PUM1: variants seen among roughly 807,000 people sequenced by gnomAD.
PUM1 encodes the protein pumilio homolog 1.
In PUM1, 13 loss-of-function variants were observed where a neutral mutation model predicts 131.8. That is an observed-to-expected ratio of 0.10 (90% CI 0.06 to 0.16). The LOEUF (loss-of-function observed/expected upper bound fraction) is 0.16, where lower values mean the gene tolerates loss of function less well. Among genes scored for constraint, PUM1 ranks in the 10% least tolerant of loss-of-function variants. The pLI is 1.00. For missense variants in PUM1, 961 were observed against 1,512.4 expected, an observed-to-expected ratio of 0.64 and a Z score of 6.05; for synonymous variants, 509 against 556.5, an observed-to-expected ratio of 0.91 and a Z score of 1.20.
At chr1:30,960,901 G>C (rs897321697) in intron 14 of PUM1, among the ~76,000 whole-genome samples, 1 of 151,366 alleles carries the variant, frequency 6.6e-6, no homozygotes, top group Admixed American at 6.6e-5. Flanking sequence ...AGATTTCTTC[G>C]ATACTATTCC....
At chr1:30,978,675 T>A (rs1034357045) in intron 9 of PUM1, among the ~76,000 whole-genome samples, 1 of 152,220 alleles carries the variant, frequency 6.6e-6, no homozygotes, top group Non-Finnish European at 1.5e-5. Flanking sequence ...GGAAGACATT[T>A]TGTTTGTCCT....
rs191649640 is a variant in PUM1 at position 31,014,656 on chromosome 1, C to A, written c.433-7554G>T. 3.3e-3 allele frequency among the ~76,000 whole-genome samples: 500 copies of A among 151,732 alleles called. 2 individuals are homozygous for A. Among genetic ancestry groups the A allele is most frequent in the African/African-American group, 0.011 (475 of 41,342 alleles). On this transcript the variant is annotated intron_variant, in intron 3 of 21. Coordinates refer to ENST00000426105, the MANE Select transcript of PUM1 (RefSeq NM_001020658.2). Reference sequence around the variant, plus strand: ...TACAAAAATCAGCCAGGCGTAGTGGCCAGGCGCCTATAATCCCAGCTACTC... The same window carrying A: ...TACAAAAATCAGCCAGGCGTAGTGGACAGGCGCCTATAATCCCAGCTACTC...
intron 15 of PUM1, 66 bp downstream of exon 15, chr1:30,953,648 T>A: frequency 6.4e-7 from 1 of 1,562,774 alleles, no homozygotes; most frequent in Non-Finnish European, 8.8e-7. Context: ...TAGATACCCA[T>A]CTGAGCCAAG....
At chr1:30,965,543 CAT>C (rs553187848) in intron 13 of PUM1, among the ~76,000 whole-genome samples, 33 of 152,328 alleles carry the variant, frequency 2.2e-4, no homozygotes, top group African/African-American at 4.6e-4. Flanking sequence ...TAATTTTCCA[CAT>C]GTCTACCTTA....
chr1:30,986,198 G>A (rs559994448), intron 7 of PUM1, among the ~76,000 whole-genome samples: 51 of 152,176 alleles, frequency 3.4e-4, no homozygotes, highest in African/African-American at 1.1e-3. Flanking sequence ...TGGGTGTCCT[G>A]CCAGCCTCAG....
chr1:30,985,481 C>T (rs1358525527), intron 7 of PUM1, among the ~76,000 whole-genome samples: 1 of 151,986 alleles, frequency 6.6e-6, no homozygotes, highest in African/African-American at 2.4e-5. Flanking sequence ...GGAGAAACCC[C>T]ATCTCTAATA....
intron 1 of PUM1, 49 bp from the exon 2 acceptor site, chr1:31,059,626 A>G: frequency 6.6e-7 from 1 of 1,519,340 alleles, no homozygotes; most frequent in East Asian, 2.3e-5. Flanking sequence ...CTTTTGAAAC[A>G]TAAAACACAC....
At chr1:31,046,025 T>A (rs1444528035) in intron 2 of PUM1, among the ~76,000 whole-genome samples, 1 of 151,540 alleles carries the variant, frequency 6.6e-6, no homozygotes, top group East Asian at 1.9e-4. Flanking sequence ...GAGATTGCAG[T>A]GAGCCGAGAT....
intron 3 of PUM1, among the ~76,000 whole-genome samples, chr1:31,020,514 CT>C (rs952948946): frequency 3.9e-5 from 6 of 152,118 alleles, no homozygotes; most frequent in Non-Finnish European, 7.4e-5. Flanking sequence ...CTCCAGACCC[CT>C]CAGGATACTG....
chr1:31,038,350 G>C (rs1331181198), intron 2 of PUM1, among the ~76,000 whole-genome samples: 1 of 152,100 alleles, frequency 6.6e-6, no homozygotes, highest in Non-Finnish European at 1.5e-5. Flanking sequence ...TTCTCTAGTT[G>C]ATTTGCTCTC....
intron 2 of PUM1, among the ~76,000 whole-genome samples, chr1:31,046,177 G>T (rs73596149): frequency 6.6e-6 from 1 of 151,946 alleles, no homozygotes; most frequent in Non-Finnish European, 1.5e-5. Context: ...ACCTGAGGTC[G>T]GGAGGTCGAA....
At position 30,933,360 on chromosome 1, in the gene PUM1, T is replaced by C; in HGVS notation, c.3436-18A>G. On this transcript the variant is annotated intron_variant, in intron 21 of 21. Coordinates refer to ENST00000426105, the MANE Select transcript of PUM1 (RefSeq NM_001020658.2). ...GGCCGGATCTGGGGAGGAAAGACAG[T>C]CTGTGTTACATGGCCTGAGATGAGA... is the stretch of plus-strand genomic sequence containing the variant. The C allele has an allele frequency of 6.2e-7, 1 of 1,612,120 alleles. No homozygotes were observed. The highest frequency in any genetic ancestry group is 8.5e-7 in the Non-Finnish European group (1 of 1,178,786).
chr1:31,046,485 T>C (rs565587463), intron 2 of PUM1, among the ~76,000 whole-genome samples: 1,503 of 80,614 alleles, frequency 0.019, 11 homozygotes, highest in Non-Finnish European at 0.023. Flanking sequence ...AGCGGGGTTT[T>C]TGGGTTTTTT....
chr1:31,044,105 C>T (rs773081991), intron 2 of PUM1, among the ~76,000 whole-genome samples: 21 of 151,958 alleles, frequency 1.4e-4, no homozygotes, highest in Non-Finnish European at 2.1e-4. Flanking sequence ...AAATATTATA[C>T]AAAAATAAAA....
Position 30,933,216 on chromosome 1 carries a change from T to C in PUM1, c.3562A>G (p.Ile1188Val), listed in dbSNP as rs150410316. 5.6e-6 allele frequency: 9 copies of C among 1,611,422 alleles called. No homozygotes were observed. In the African/African-American group the frequency reaches 1.1e-4, roughly 19 times the overall value. ...GAACAGCGGGTGACACTGCCTCAGA[T>C]GATACCATTAGGGGGGCCACAGATG... is the stretch of plus-strand genomic sequence containing the variant. ...GPICGPPNGI[I>V] Residue 1188 changes from isoleucine to valine, a missense_variant, in exon 22 of 22, where the codon ATC becomes GTC. Physicochemically the swap from Ile to Val is conservative, Grantham distance 29 (BLOSUM62 3). Around this residue, in one of 4 missense-constraint regions of PUM1, gnomAD observed 178 missense variants for 327.5 expected, o/e 0.54. Coordinates refer to ENST00000426105, the MANE Select transcript of PUM1 (RefSeq NM_001020658.2).
chr1:30,957,125 G>A (rs1640202542), intron 14 of PUM1, among the ~76,000 whole-genome samples: 1 of 61,602 alleles, frequency 1.6e-5, no homozygotes. Flanking sequence ...CACACACACA[G>A]CTTTTATTAC....
chr1:30,965,039 C>A, intron 13 of PUM1, 129 bp from the exon 14 acceptor site: 1 of 696,916 alleles, frequency 1.4e-6, no homozygotes, highest in South Asian at 1.8e-5. Context: ...GACAGCCTAA[C>A]TGTTAATGTA....
At chr1:31,036,990 A>G in intron 2 of PUM1, 1 of 174,048 alleles carries the variant, frequency 5.7e-6, no homozygotes, top group South Asian at 1.5e-4. Flanking sequence ...TCTTCCCTGA[A>G]CACTGGCTTC....
chr1:30,943,838 A>C (rs1240153600), intron 18 of PUM1, among the ~76,000 whole-genome samples: 1 of 152,120 alleles, frequency 6.6e-6, no homozygotes, highest in Non-Finnish European at 1.5e-5. Flanking sequence ...TTTGTGGCTT[A>C]ATTTTGCATT....
Sources: allele counts gnomAD v4.1 joint callset (sites outside exome capture counted in the v4.1 genomes callset), GRCh38; gene constraint gnomAD v4.1.1; regional missense constraint gnomAD v4.1.1; transcripts MANE v1.5; gene names NCBI Gene and HGNC (gene_info 2026-07-23, HGNC 2026-07-21).